SLC39A1: variants seen among roughly 807,000 people sequenced by gnomAD.
SLC39A1 encodes zinc transporter ZIP1.
Under a neutral mutation model 21.4 loss-of-function variants are expected in SLC39A1, and 17 were observed. The ratio of observed to expected loss-of-function variants is 0.79; its 90% CI spans 0.54 to 1.19. The LOEUF (loss-of-function observed/expected upper bound fraction) is 1.19, where lower values mean the gene tolerates loss of function less well. Among genes scored for constraint, SLC39A1 ranks in the 50% most tolerant of loss-of-function variants. The pLI, the probability that SLC39A1 is intolerant of heterozygous loss-of-function variation, is 0.00. For synonymous variants in SLC39A1, 183 were observed against 185.9 expected, an observed-to-expected ratio of 0.98 and a Z score of 0.13; for missense variants, 343 against 399.8, an observed-to-expected ratio of 0.86 and a Z score of 1.21.
In SLC39A1 at chr1:153,959,196, A is replaced by G; in HGVS notation, c.*902T>C. ...TTCTAAAGAATATGTCCCTATGCAC[A>G]GCCCTCCCTCCCCAAAAATAACGCT... On this transcript the variant is annotated 3_prime_UTR_variant, in exon 4 of 4. Coordinates refer to ENST00000356205, the MANE Select transcript of SLC39A1 (RefSeq NM_001271958.2). 2.5e-6 allele frequency: 1 copy of G among 399,044 alleles called. No homozygotes were observed. The highest frequency in any genetic ancestry group is 4.4e-6 in the Non-Finnish European group (1 of 226,062). 24.7% of individuals were successfully genotyped at this position (399,044 alleles called of 1,614,324 possible).
At chr1:153,962,074 C>A in intron 3 of SLC39A1, 146 bp downstream of exon 3, 4 of 1,205,826 alleles carry the variant, frequency 3.3e-6, no homozygotes, top group Non-Finnish European at 4.6e-6. Context: ...GAATTATGCC[C>A]CATAACCAAA....
Position 153,959,749 on chromosome 1 carries a change from C to A in SLC39A1, c.*349G>T. 6.4e-6 allele frequency: 2 copies of A among 313,420 alleles called. No homozygotes were observed. The highest frequency in any genetic ancestry group is 1.1e-4 in the South Asian group (2 of 18,730). The allele number at this position is 313,420 out of a possible 1,614,324, so 19.4% of individuals were successfully genotyped here. A position where few individuals can be genotyped will look rare whatever the true frequency, so the allele number is the denominator to read the frequency against. On this transcript the variant is annotated 3_prime_UTR_variant, in exon 4 of 4. Coordinates refer to ENST00000356205, the MANE Select transcript of SLC39A1 (RefSeq NM_001271958.2). ...GGTTTATGACCTGTCCATACCCGTT[C>A]CACAGCAGCTGGGTACCCACCTCCA...
upstream of SLC39A1, chr1:153,966,781 A>C (rs1647814158): frequency 6.6e-6 from 1 of 152,222 alleles, no homozygotes; most frequent in Non-Finnish European, 1.5e-5. Flanking sequence ...TTCACACTCC[A>C]AACTACTGTT....
chr1:153,963,873 GC>G (rs1647643976), upstream of SLC39A1, among the ~76,000 whole-genome samples: 1 of 152,228 alleles, frequency 6.6e-6, no homozygotes, highest in South Asian at 2.1e-4. Flanking sequence ...AAGTCTTCCG[GC>G]CCACATCTGA....
At chr1:153,961,653 G>A (rs936083321) in intron 3 of SLC39A1, among the ~76,000 whole-genome samples, 31 of 152,170 alleles carry the variant, frequency 2.0e-4, no homozygotes, top group Admixed American at 3.9e-4. Context: ...GACACACAAA[G>A]GGATACATCC....
chr1:153,965,416 G>T (rs952984400), upstream of SLC39A1, among the ~76,000 whole-genome samples: 1 of 152,048 alleles, frequency 6.6e-6, no homozygotes, highest in Non-Finnish European at 1.5e-5. Context: ...GACACAGCGA[G>T]ACTCCGTCTC....
Position 153,959,443 on chromosome 1 carries a change from G to A in SLC39A1, c.*655C>T. 1 of 396,296 alleles carries A rather than the reference G, an allele frequency of 2.5e-6. No homozygotes were observed. The highest frequency in any genetic ancestry group is 4.4e-6 in the Non-Finnish European group (1 of 224,934). The allele number at this position is 396,296 out of a possible 1,614,324, so 24.5% of individuals were successfully genotyped here. On this transcript the variant is annotated 3_prime_UTR_variant, in exon 4 of 4. Transcript: ENST00000356205. ...CGGGACCAAAATAAAGAGCAAGCAG[G>A]CCCCCTTCACTGAGGTGCTGGGTAG...
chr1:153,963,404 T>G (rs1647607755), intron 1 of SLC39A1, 91 bp downstream of exon 1: 1 of 152,196 alleles, frequency 6.6e-6, no homozygotes, highest in Admixed American at 6.5e-5. Flanking sequence ...GGGAAGCAGA[T>G]GAAGAATGCG....
In SLC39A1 at chr1:153,960,344, C is replaced by A. The variant is rs150796693; in HGVS notation, c.729G>T (p.Gly243=). ...GAGGTGTCATGCATGAGAAGAGGAT[C>A]CCACAGCCAGCCACCACCTGTGCCC... ...HLRAQVVAGC[G]ILFSCMTPLG... Residue 243 remains glycine (G), a synonymous_variant, in exon 4 of 4, where the codon GGG becomes GGT. Transcript: ENST00000356205. The A allele has an allele frequency of 1.2e-6, 2 of 1,613,900 alleles. No homozygotes were observed. Among genetic ancestry groups the A allele is most frequent in the Non-Finnish European group, 1.7e-6 (2 of 1,180,056 alleles).
At chr1:153,964,568 A>G (rs1167002779), upstream of SLC39A1, 1 of 152,220 alleles carries the variant, frequency 6.6e-6, no homozygotes, top group Non-Finnish European at 1.5e-5. Context: ...AAAGAAAAAA[A>G]AAAGGGGGGA....
In SLC39A1 at chr1:153,960,694, C is replaced by A; in HGVS notation, c.379G>T (p.Glu127Ter). 1 of 1,613,918 alleles carries A rather than the reference C, an allele frequency of 6.2e-7. No individual in the cohort carries two copies. The highest frequency in any genetic ancestry group is 1.1e-5 in the South Asian group (1 of 91,080). ...TCCTTGTAAGCCAGTGTGATCTGCT[C>A]CATCACCAGGACCAGGAAGAAGCCC... Reference protein sequence around the residue: ...AMGFFLVLVMEQITLAYKEQS... With the variant: ...AMGFFLVLVM Residue 127 changes from glutamate (E) to a stop codon, truncating the protein, a stop_gained, in exon 4 of 4, where the codon GAG (glutamate) becomes TAG (stop). Coordinates refer to ENST00000356205, the MANE Select transcript of SLC39A1 (RefSeq NM_001271958.2). LOFTEE classifies it high-confidence loss of function.
upstream of SLC39A1, among the ~76,000 whole-genome samples, chr1:153,964,095 T>C (rs1647655705): frequency 6.6e-6 from 1 of 152,234 alleles, no homozygotes; most frequent in African/African-American, 2.4e-5. Flanking sequence ...TTGAAAATCA[T>C]CCCTTCTCGA....
Position 153,962,293 on chromosome 1 carries a change from G to C in SLC39A1, c.245C>G (p.Ala82Gly), listed in dbSNP as rs950976494. ...AGGCAGCAGGTCCAGGAGACAAGTG[G>C]CCAAAAAGACGCCCCCCGCGAAACA... ...VSCFAGGVFLATCLLDLLPDY... is the reference protein window; with the variant it reads ...VSCFAGGVFLGTCLLDLLPDY... The change falls in exon 3 of 4, where the codon GCC becomes GGC. Residue 82 changes from alanine to glycine, a missense_variant. Transcript: ENST00000356205. 4 of 1,614,116 alleles carry C rather than the reference G, an allele frequency of 2.5e-6. No homozygotes were observed. The African/African-American group carries it at 4.0e-5, about 16-fold the overall frequency.
rs189037201 is a variant in SLC39A1, at chr1:153,959,613, A to T, written c.*485T>A. ...GACCATTTGGCGCCAGTCCCCTAGG[A>T]GATGGGAGGAGGGAGATAGGTATGA... On this transcript the variant is annotated 3_prime_UTR_variant, in exon 4 of 4. Coordinates refer to ENST00000356205, the MANE Select transcript of SLC39A1 (RefSeq NM_001271958.2). 1 of 269,068 alleles carries T rather than the reference A, an allele frequency of 3.7e-6. No homozygotes were observed. Among genetic ancestry groups the T allele is most frequent in the East Asian group, 6.4e-5 (1 of 15,692 alleles). 16.7% of individuals were successfully genotyped at this position (269,068 alleles called of 1,614,324 possible). A position where few individuals can be genotyped will look rare whatever the true frequency, so the allele number is the denominator to read the frequency against.
chr1:153,960,519 A>G lies in SLC39A1; in HGVS notation c.554T>C (p.Phe185Ser), dbSNP rs751371239. 6.2e-7 allele frequency: 1 copy of G among 1,613,560 alleles called. No homozygotes were observed. The highest frequency in any genetic ancestry group is 1.1e-5 in the South Asian group (1 of 91,074). ...GAACACGGAGTGGAGGGCCAGGGAG[A>G]ACACCAGTACACAGGCACGCAAGGC... is the stretch of plus-strand genomic sequence containing the variant. ...PSALRACVLV[F>S]SLALHSVFEG... The change falls in exon 4 of 4, where the codon TTC becomes TCC. Residue 185 changes from phenylalanine (F) to serine (S), a missense_variant. Phe to Ser is a radical substitution (Grantham distance 155, BLOSUM62 -2). Transcript: ENST00000356205.
At position 153,960,716 on chromosome 1, in the gene SLC39A1, G is replaced by C. The variant is rs898006195; in HGVS notation, c.357C>G (p.Gly119=). ...GCTCCATCACCAGGACCAGGAAGAA[G>C]CCCATGGCCAGGATGAACTCTTGCA... The part of the protein sequence containing the change: ...FPLQEFILAM[G]FFLVLVMEQI... The change falls in exon 4 of 4, where the codon GGC becomes GGG. Residue 119 remains glycine (G), a synonymous_variant. Coordinates refer to ENST00000356205, the MANE Select transcript of SLC39A1 (RefSeq NM_001271958.2). 2 of 1,613,000 alleles carry C rather than the reference G, an allele frequency of 1.2e-6. No individual in the cohort carries two copies. The highest frequency in any genetic ancestry group is 1.7e-6 in the Non-Finnish European group (2 of 1,179,994).
At chr1:153,963,868 T>C (rs1380403684), upstream of SLC39A1, among the ~76,000 whole-genome samples, 1 of 152,238 alleles carries the variant, frequency 6.6e-6, no homozygotes, top group African/African-American at 2.4e-5. Flanking sequence ...TTGTCAAGTC[T>C]TCCGGCCCAC....
In SLC39A1 at chr1:153,960,752, G is replaced by A. The variant is rs138614781; in HGVS notation, c.321C>T (p.Leu107=). 6.2e-7 allele frequency: 1 copy of A among 1,603,956 alleles called. No individual in the cohort carries two copies. Among genetic ancestry groups the A allele is most frequent in the Non-Finnish European group, 8.5e-7 (1 of 1,176,924 alleles). The stretch of plus-strand genomic sequence containing the variant: ...GGATGAACTCTTGCAGTGGGAACTG[G>A]AGCTGTGGGCAGAAGCAGCAGCAAA... The part of the protein sequence containing the change: ...DEALAALHVT[L]QFPLQEFILA... Residue 107 remains leucine (L), a splice_region_variant and synonymous_variant, in exon 4 of 4, where the codon CTC becomes CTT. Coordinates refer to ENST00000356205, the MANE Select transcript of SLC39A1 (RefSeq NM_001271958.2).
rs1316326568 is a variant in SLC39A1 at position 153,960,415 on chromosome 1, T to C, written c.658A>G (p.Ile220Val). The part of the protein sequence containing the change: ...LCLALLLHKG[I>V]LAVSLSLRLL... ...CGCAGGGACAGGCTGACAGCCAGGA[T>C]GCCCTTGTGGAGCAGCAAAGCCAGG... Residue 220 changes from isoleucine (I) to valine (V), a missense_variant, in exon 4 of 4, where the codon ATC becomes GTC. Transcript: ENST00000356205. The C allele has an allele frequency of 6.2e-7, 1 of 1,614,030 alleles. No individual in the cohort carries two copies. Among genetic ancestry groups the C allele is most frequent in the Admixed American group, 1.7e-5 (1 of 60,032 alleles).
Sources: allele counts gnomAD v4.1 joint callset (sites outside exome capture counted in the v4.1 genomes callset), GRCh38; gene constraint gnomAD v4.1.1; transcripts MANE v1.5; gene names NCBI Gene and HGNC (gene_info 2026-07-23, HGNC 2026-07-21).